Variants in SAMD12 observed in about 807,000 individuals in gnomAD.
SAMD12 encodes sterile alpha motif domain-containing protein 12.
A neutral mutation model predicts 15.0 loss-of-function variants in SAMD12; 9 were observed. That is an observed-to-expected ratio of 0.60 (90% CI 0.36 to 1.05). SAMD12 has a LOEUF of 1.05. Ranked by LOEUF, SAMD12 falls within the 50% of genes least tolerant of loss-of-function variation. The pLI is 0.01. For synonymous variants in SAMD12, 86 were observed against 90.1 expected, an observed-to-expected ratio of 0.96 and a Z score of 0.25; for missense variants, 230 against 234.2, an observed-to-expected ratio of 0.98 and a Z score of 0.12.
At chr8:118,425,244 T>C (rs898464939) in intron 3 of SAMD12, among the ~76,000 whole-genome samples, 4 of 152,166 alleles carry the variant, frequency 2.6e-5, no homozygotes, top group African/African-American at 7.2e-5. Context: ...AGCTGTGGTA[T>C]ATTAATTTTT....
chr8:118,232,385 C>T (rs1384590268), intron 4 of SAMD12, among the ~76,000 whole-genome samples: 1 of 151,984 alleles, frequency 6.6e-6, no homozygotes, highest in Non-Finnish European at 1.5e-5. Flanking sequence ...AGAGGATCAG[C>T]AGAAGTAAAG....
chr8:118,372,449 C>A (rs1387808427), intron 4 of SAMD12, among the ~76,000 whole-genome samples: 7 of 150,396 alleles, frequency 4.7e-5, no homozygotes, highest in African/African-American at 1.7e-4. Context: ...CAGAAATCTC[C>A]CATTGTTTTC....
At chr8:118,526,556 G>C (rs1265118528) in intron 2 of SAMD12, among the ~76,000 whole-genome samples, 1 of 152,080 alleles carries the variant, frequency 6.6e-6, no homozygotes, top group African/African-American at 2.4e-5. Flanking sequence ...ATATCAAATG[G>C]AGTGATTAGG....
At chr8:118,434,683 G>A (rs543146863) in intron 3 of SAMD12, among the ~76,000 whole-genome samples, 89 of 152,338 alleles carry the variant, frequency 5.8e-4, no homozygotes, top group African/African-American at 1.9e-3. Context: ...GCCTCAGAAA[G>A]CTAGGGACAG....
At position 118,224,657 on chromosome 8, in the gene SAMD12, TAA is replaced by T. The variant is rs1291155567; in HGVS notation, c.434-26927_434-26926del. On this transcript the variant is annotated intron_variant, in intron 4 of 4. Transcript: ENST00000409003. ...ACAAATAAAAGGGATTTATAAATTT[TAA>T]AACAAAGCTTTAAATTTTATATGTT... is the stretch of plus-strand genomic sequence containing the variant. Among the ~76,000 whole-genome samples, 12 of 152,306 alleles carry T rather than the reference TAA, an allele frequency of 7.9e-5. No individual in the cohort carries two copies. In the South Asian group the frequency reaches 1.5e-3, roughly 18 times the overall value.
chr8:118,508,079 G>C (rs1400462655), intron 2 of SAMD12, among the ~76,000 whole-genome samples: 2 of 140,514 alleles, frequency 1.4e-5, no homozygotes, highest in African/African-American at 5.4e-5. Flanking sequence ...CTGCAGCCTT[G>C]AACTCCTGGG....
intron 2 of SAMD12, among the ~76,000 whole-genome samples, chr8:118,456,358 T>C (rs1823249839): frequency 6.6e-6 from 1 of 152,226 alleles, no homozygotes. Context: ...CAAGATGTTT[T>C]TAACACATCC....
intron 2 of SAMD12, among the ~76,000 whole-genome samples, chr8:118,494,468 C>A (rs1052997615): frequency 6.6e-6 from 1 of 152,192 alleles, no homozygotes; most frequent in Non-Finnish European, 1.5e-5. Context: ...CATGAAATTA[C>A]ATTACATGCT....
intron 1 of SAMD12, 148 bp from the exon 2 acceptor site, chr8:118,581,041 G>A (rs1427814843): frequency 1.6e-5 from 9 of 573,942 alleles, no homozygotes; most frequent in Admixed American, 6.6e-5. Context: ...ATAATATGGT[G>A]AGGAGGGAGC....
chr8:118,200,767 G>A (rs1280426961), intron 4 of SAMD12, among the ~76,000 whole-genome samples: 1 of 152,204 alleles, frequency 6.6e-6, no homozygotes, highest in African/African-American at 2.4e-5. Flanking sequence ...TACTCAGGCT[G>A]TATGTGTAAG....
At chr8:118,146,462 T>C in the SAMD12 span, among the ~76,000 whole-genome samples, 1 of 152,132 alleles carries the variant, frequency 6.6e-6, no homozygotes, top group Non-Finnish European at 1.5e-5. Context: ...CAACAATTTT[T>C]CCCCATTAGA....
chr8:118,589,084 T>TA, intron 1 of SAMD12, among the ~76,000 whole-genome samples: 1 of 152,280 alleles, frequency 6.6e-6, no homozygotes, highest in Admixed American at 6.5e-5. Flanking sequence ...TGGCCAATAA[T>TA]AGATGGCTCC....
intron 2 of SAMD12, among the ~76,000 whole-genome samples, chr8:118,479,671 G>A (rs762314833): frequency 6.6e-6 from 1 of 152,010 alleles, no homozygotes; most frequent in African/African-American, 2.4e-5. Flanking sequence ...TCTTTTTCAA[G>A]TATTTACTAA....
chr8:118,382,992 A>G (rs1479113933), intron 3 of SAMD12, among the ~76,000 whole-genome samples: 3 of 152,222 alleles, frequency 2.0e-5, no homozygotes, highest in Non-Finnish European at 2.9e-5. Flanking sequence ...TTCTAGGAGT[A>G]AATGTCCCAT....
intron 2 of SAMD12, among the ~76,000 whole-genome samples, chr8:118,553,868 C>T (rs1300829625): frequency 8.7e-5 from 13 of 148,620 alleles, no homozygotes; most frequent in Middle Eastern, 7.0e-3. Flanking sequence ...AAAAAGTGGG[C>T]GAAGGACATG....
At chr8:118,181,456 C>T in the SAMD12 span, among the ~76,000 whole-genome samples, 11 of 152,196 alleles carry the variant, frequency 7.2e-5, no homozygotes, top group Non-Finnish European at 2.9e-5. Context: ...TTCCCCACAA[C>T]AGGGCAGCCA....
intron 2 of SAMD12, among the ~76,000 whole-genome samples, chr8:118,495,624 G>A (rs1293208260): frequency 6.7e-6 from 1 of 149,504 alleles, no homozygotes; most frequent in East Asian, 2.0e-4. Context: ...CCTTGATCCC[G>A]CTGCCTGGAT....
intron 4 of SAMD12, among the ~76,000 whole-genome samples, chr8:118,320,675 G>T (rs911530546): frequency 6.9e-6 from 1 of 143,898 alleles, no homozygotes; most frequent in Admixed American, 6.8e-5. Flanking sequence ...CGTGGGGTGG[G>T]GGGGGTGGGG....
At position 118,573,564 on chromosome 8, in the gene SAMD12, A is replaced by G. The variant is rs545766459; in HGVS notation, c.192+7151T>C. 9.9e-5 allele frequency among the ~76,000 whole-genome samples: 15 copies of G among 152,284 alleles called. No individual in the cohort carries two copies. In the East Asian group the frequency reaches 2.5e-3, roughly 25 times the overall value. ...TGACTGCCACAGACTGTAATCAGGA[A>G]TTTTCTTGGTCTCAGTGACAACCTA... On this transcript the variant is annotated intron_variant, in intron 2 of 3. Coordinates refer to ENST00000314727, the MANE Select transcript of SAMD12 (RefSeq NM_207506.3).
Sources: allele counts gnomAD v4.1 joint callset (sites outside exome capture counted in the v4.1 genomes callset), GRCh38; gene constraint gnomAD v4.1.1; transcripts MANE v1.5; gene names NCBI Gene and HGNC (gene_info 2026-07-23, HGNC 2026-07-21).